Variants in EXOC4 observed in about 807,000 individuals in gnomAD.
EXOC4 encodes the protein SEC8-like 1.
In EXOC4, 71 loss-of-function variants were observed where a neutral mutation model predicts 107.2. The observed-to-expected ratio is 0.66, with a 90% confidence interval of 0.55 to 0.81. The LOEUF (loss-of-function observed/expected upper bound fraction) is 0.81. Ranked by LOEUF, EXOC4 falls within the 30% of genes least tolerant of loss-of-function variation. The pLI is 0.00. For missense variants in EXOC4, 1,108 were observed against 1,189.6 expected (o/e 0.93, Z 1.01); for synonymous variants, 456 against 441.2 (o/e 1.03, Z -0.42).
intron 12 of EXOC4, among the ~76,000 whole-genome samples, chr7:133,903,405 T>A (rs558870669): frequency 4.6e-5 from 7 of 152,170 alleles, no homozygotes; most frequent in Non-Finnish European, 1.0e-4. Context: ...TTTGCACTGT[T>A]GGTAGCAGCA....
At chr7:133,659,239 T>C (rs1342943269) in intron 10 of EXOC4, among the ~76,000 whole-genome samples, 1 of 152,036 alleles carries the variant, frequency 6.6e-6, no homozygotes, top group Non-Finnish European at 1.5e-5. Flanking sequence ...ATCTTTCTAA[T>C]GTGGATAGTA....
At chr7:133,814,615 GGTTGTA>G (rs1797320413) in intron 10 of EXOC4, among the ~76,000 whole-genome samples, 1 of 152,046 alleles carries the variant, frequency 6.6e-6, no homozygotes, top group African/African-American at 2.4e-5. Flanking sequence ...CTTCCATAAG[GGTTGTA>G]CTATTTTTCA....
intron 7 of EXOC4, among the ~76,000 whole-genome samples, chr7:133,399,072 A>G (rs904542267): frequency 4.6e-5 from 7 of 152,164 alleles, no homozygotes; most frequent in South Asian, 2.1e-4. Context: ...TATCCTCTGA[A>G]ATGTTGCCAT....
At chr7:133,299,970 G>A (rs1005476492) in intron 3 of EXOC4, among the ~76,000 whole-genome samples, 5 of 152,090 alleles carry the variant, frequency 3.3e-5, no homozygotes. Context: ...CATTTGAGCT[G>A]ATGAAGGTTT....
At chr7:133,809,305 A>G (rs2151204591) in intron 10 of EXOC4, among the ~76,000 whole-genome samples, 1 of 152,370 alleles carries the variant, frequency 6.6e-6, no homozygotes, top group Non-Finnish European at 1.5e-5. Context: ...TCTGTGTCAT[A>G]TAACAATATT....
chr7:133,813,167 C>T (rs1460638704), intron 10 of EXOC4, among the ~76,000 whole-genome samples: 1 of 152,168 alleles, frequency 6.6e-6, no homozygotes, highest in African/African-American at 2.4e-5. Flanking sequence ...AGAAATCACT[C>T]AGCCAAAAGC....
At chr7:133,983,227 C>A (rs970512714) in intron 14 of EXOC4, among the ~76,000 whole-genome samples, 3 of 152,144 alleles carry the variant, frequency 2.0e-5, no homozygotes, top group Non-Finnish European at 2.9e-5. Context: ...GGATCCTCCC[C>A]CATGACCCAA....
At position 134,059,956 on chromosome 7, in the gene EXOC4, G is replaced by C. The variant is rs181984690; in HGVS notation, c.2688-4335G>C. Among the ~76,000 whole-genome samples the C allele has an allele frequency of 8.0e-4, 121 of 152,072 alleles. No individual in the cohort carries two copies. The Middle Eastern group carries it at 0.01, about 13-fold the overall frequency. On this transcript the variant is annotated intron_variant, in intron 17 of 17. Coordinates refer to ENST00000253861, the MANE Select transcript of EXOC4 (RefSeq NM_021807.4). ...CAAAATACCCTGTATTTCCTTCCTGGTAGAAATGTTTTCAGACAGAATGTA... is the reference window on the plus strand; with the variant it reads ...CAAAATACCCTGTATTTCCTTCCTGCTAGAAATGTTTTCAGACAGAATGTA...
intron 9 of EXOC4, among the ~76,000 whole-genome samples, chr7:133,569,369 A>C (rs144542775): frequency 6.6e-6 from 1 of 152,228 alleles, no homozygotes; most frequent in Non-Finnish European, 1.5e-5. Context: ...TGCCCAAAGG[A>C]CATGACTAGT....
chr7:133,588,693 G>A (rs150348693), intron 9 of EXOC4, among the ~76,000 whole-genome samples: 1,866 of 152,194 alleles, frequency 0.012, 29 homozygotes, highest in African/African-American at 0.042. Flanking sequence ...AGGAGTTCAA[G>A]ACCAGCCTGG....
chr7:134,072,108 C>G, the EXOC4 span, among the ~76,000 whole-genome samples: 14 of 152,314 alleles, frequency 9.2e-5, no homozygotes, highest in Admixed American at 4.6e-4. Flanking sequence ...GCTGACCCCC[C>G]ACCAGTTGGA....
intron 7 of EXOC4, among the ~76,000 whole-genome samples, chr7:133,422,307 A>T (rs191449684): frequency 1.0e-3 from 157 of 152,312 alleles, no homozygotes; most frequent in Middle Eastern, 3.4e-3. Flanking sequence ...TAGTGAAGTT[A>T]TTTGATTTCT....
At chr7:133,673,829 G>C (rs1406473389) in intron 10 of EXOC4, among the ~76,000 whole-genome samples, 1 of 152,016 alleles carries the variant, frequency 6.6e-6, no homozygotes, top group Non-Finnish European at 1.5e-5. Flanking sequence ...CATTTTTCTT[G>C]TTCCTTATAT....
intron 7 of EXOC4, among the ~76,000 whole-genome samples, chr7:133,455,683 T>A (rs1798447856): frequency 6.6e-6 from 1 of 152,232 alleles, no homozygotes. Context: ...AGCTAATGGT[T>A]GTCCAATGAA....
intron 9 of EXOC4, among the ~76,000 whole-genome samples, chr7:133,499,194 T>C (rs1020727912): frequency 2.0e-5 from 3 of 152,128 alleles, no homozygotes; most frequent in Non-Finnish European, 2.9e-5. Flanking sequence ...TCAGTTGGCA[T>C]ACTTAGTAAT....
rs34350149 is a variant in EXOC4 at position 133,884,581 on chromosome 7, C to CTGTGTGTGTG, written c.1735-10987_1735-10978dup. 7.9e-3 allele frequency among the ~76,000 whole-genome samples: 1,135 copies of CTGTGTGTGTG among 143,706 alleles called. 20 individuals carry two copies. Among genetic ancestry groups the CTGTGTGTGTG allele is most frequent in the African/African-American group, 0.027 (1,033 of 38,370 alleles). The allele number at this position is 143,706 out of a possible 152,430, so 94.3% of individuals were successfully genotyped here. On this transcript the variant is annotated intron_variant, in intron 11 of 17. Coordinates refer to ENST00000253861, the MANE Select transcript of EXOC4 (RefSeq NM_021807.4). ...CTCTCAGGTGTGCTTGCCCTATGCT[C>CTGTGTGTGTG]TGTGTGTGTGTGTGTGTGTGTGTGT...
intron 12 of EXOC4, among the ~76,000 whole-genome samples, chr7:133,903,974 A>G (rs936865748): frequency 6.6e-6 from 1 of 152,188 alleles, no homozygotes; most frequent in Admixed American, 6.5e-5. Flanking sequence ...GGACTGAGTG[A>G]TAAATGTAAA....
chr7:133,624,224 A>T (rs1357900108), intron 9 of EXOC4, among the ~76,000 whole-genome samples: 1 of 152,202 alleles, frequency 6.6e-6, no homozygotes, highest in East Asian at 1.9e-4. Context: ...TGATCATTTT[A>T]TGCTATTTTC....
intron 9 of EXOC4, among the ~76,000 whole-genome samples, chr7:133,508,342 T>A (rs908341654): frequency 6.6e-6 from 1 of 152,058 alleles, no homozygotes; most frequent in Non-Finnish European, 1.5e-5. Context: ...TGAGATGGGG[T>A]CTGAAAATTT....
Sources: allele counts gnomAD v4.1 joint callset (sites outside exome capture counted in the v4.1 genomes callset), GRCh38; gene constraint gnomAD v4.1.1; transcripts MANE v1.5; gene names NCBI Gene and HGNC (gene_info 2026-07-23, HGNC 2026-07-21).